Variants in BDP1 observed in about 807,000 individuals in gnomAD.
The protein encoded by BDP1 is transcription factor TFIIIB component B'' homolog.
BDP1 carries 169 observed loss-of-function variants against 266.6 expected under a neutral mutation model. The ratio of observed to expected loss-of-function variants is 0.63; its 90% CI spans 0.56 to 0.72. The LOEUF is 0.72. Among genes scored for constraint, BDP1 ranks in the 30% least tolerant of loss-of-function variants. The pLI is 0.00. For missense variants in BDP1, 3,015 were observed against 3,053.8 expected (o/e 0.99, Z 0.30); for synonymous variants, 1,090 against 1,022.4 (o/e 1.07, Z -1.26).
intron 2 of BDP1, 124 bp downstream of exon 2, chr5:71,458,979 T>C (rs928132856): frequency 1.9e-5 from 16 of 837,278 alleles, no homozygotes; most frequent in Non-Finnish European, 2.4e-5. Flanking sequence ...CCTTAGTCAA[T>C]AGAACATCCC....
At chr5:71,485,698 G>T (rs1458687969) in intron 8 of BDP1, among the ~76,000 whole-genome samples, 1 of 152,112 alleles carries the variant, frequency 6.6e-6, no homozygotes, top group African/African-American at 2.4e-5. Context: ...ATTACTTTCA[G>T]ATATAATGCT....
intron 7 of BDP1, among the ~76,000 whole-genome samples, chr5:71,478,280 A>T (rs1172731536): frequency 6.6e-6 from 1 of 152,090 alleles, no homozygotes; most frequent in Non-Finnish European, 1.5e-5. Context: ...GCAAACAAAA[A>T]AACAGCTCTC....
chr5:71,546,627 A>C (rs1203968522), intron 32 of BDP1, among the ~76,000 whole-genome samples: 1 of 150,472 alleles, frequency 6.6e-6, no homozygotes, highest in Admixed American at 6.6e-5. Context: ...CAAAAAAAAA[A>C]AAAAAAAAAA....
intron 31 of BDP1, 52 bp from the exon 32 acceptor site, chr5:71,544,987 A>T: frequency 3.2e-6 from 5 of 1,569,386 alleles, no homozygotes; most frequent in African/African-American, 1.4e-5. Flanking sequence ...TCTAAAAATA[A>T]TTCCATGATT....
intron 35 of BDP1, 97 bp downstream of exon 35, chr5:71,553,417 CT>C: frequency 1.3e-6 from 1 of 756,050 alleles, no homozygotes; most frequent in Non-Finnish European, 2.1e-6. Context: ...TCTCTTTAAA[CT>C]TTTAGATATA....
At chr5:71,563,020 A>G (rs1743788093) in intron 38 of BDP1, 1 of 496,116 alleles carries the variant, frequency 2.0e-6, no homozygotes, top group African/African-American at 2.0e-5. Flanking sequence ...AGCCTTTGGA[A>G]GGGGTACTTT....
intron 19 of BDP1, among the ~76,000 whole-genome samples, chr5:71,514,672 GAT>G (rs1561736460): frequency 6.6e-6 from 1 of 152,082 alleles, no homozygotes; most frequent in East Asian, 1.9e-4. Context: ...ATCCCCTAAT[GAT>G]ATATCTGTTT....
chr5:71,560,216 C>G lies in BDP1; in HGVS notation c.7475C>G (p.Ser2492Cys). 1 of 1,614,028 alleles carries G rather than the reference C, an allele frequency of 6.2e-7. No homozygotes were observed. The highest frequency in any genetic ancestry group is 1.1e-5 in the South Asian group (1 of 91,048). The part of the protein sequence containing the change: ...KSQQMDSRTS[S>C]SKASLSRPGR... ...CAGCAAATGGATAGCAGAACATCGT[C>G]TTCTAAAGCCTCACTATCCAGGTAT... The change falls in exon 37 of 39, where the codon TCT becomes TGT. Residue 2492 changes from serine to cysteine, a missense_variant. Ser to Cys is a moderately radical substitution (Grantham distance 112). Around this residue, in one of 3 missense-constraint regions of BDP1, gnomAD observed 629 missense variants for 632.5 expected, o/e 0.99. Transcript: ENST00000358731.
intron 10 of BDP1, among the ~76,000 whole-genome samples, 176 bp downstream of exon 10, chr5:71,489,858 AAAATTAAAC>A (rs2150409601): frequency 6.6e-6 from 1 of 152,340 alleles, no homozygotes; most frequent in African/African-American, 2.4e-5. Flanking sequence ...TTTATGTAAA[AAAATTAAAC>A]AAATTAAAGT....
intron 6 of BDP1, among the ~76,000 whole-genome samples, chr5:71,468,850 G>T (rs1762068930): frequency 6.6e-6 from 1 of 151,480 alleles, no homozygotes; most frequent in Non-Finnish European, 1.5e-5. Flanking sequence ...CAGGTGATCC[G>T]CCTGCCTCAG....
chr5:71,546,801 T>C (rs1280734550), intron 32 of BDP1, among the ~76,000 whole-genome samples: 2 of 151,928 alleles, frequency 1.3e-5, no homozygotes, highest in Admixed American at 6.6e-5. Flanking sequence ...ATATGTAATA[T>C]ACAGTTTCAT....
At chr5:71,520,065 A>T (rs1458319463) in intron 22 of BDP1, among the ~76,000 whole-genome samples, 1 of 152,194 alleles carries the variant, frequency 6.6e-6, no homozygotes, top group African/African-American at 2.4e-5. Flanking sequence ...ATGATTAATG[A>T]TGTTGAACAT....
chr5:71,458,059 C>G (rs1251823060), intron 1 of BDP1, among the ~76,000 whole-genome samples: 1 of 152,092 alleles, frequency 6.6e-6, no homozygotes, highest in Non-Finnish European at 1.5e-5. Flanking sequence ...GCTACTGTAA[C>G]TAAATGTTTT....
At chr5:71,513,502 A>G (rs907826102) in intron 19 of BDP1, 95 bp downstream of exon 19, 10 of 757,778 alleles carry the variant, frequency 1.3e-5, no homozygotes, top group African/African-American at 1.2e-4. Context: ...AAATTCTACA[A>G]ATATTTCTGT....
In BDP1 at chr5:71,524,103, G is replaced by T. The variant is rs1471663734; in HGVS notation, c.5552G>T (p.Gly1851Val). 4 of 1,614,210 alleles carry T rather than the reference G, an allele frequency of 2.5e-6. No homozygotes were observed. Among genetic ancestry groups the T allele is most frequent in the South Asian group, 2.2e-5 (2 of 91,086 alleles). ...TRGRGSKRVRGKTSKKEPRAS... is the reference protein window; with the variant it reads ...TRGRGSKRVRVKTSKKEPRAS... ...GGTCGTGGATCAAAACGAGTTCGGG[G>T]TAAGACCTCTAAGAAGGAACCTAGA... is the stretch of plus-strand genomic sequence containing the variant. The change falls in exon 25 of 39, where the codon GGT (glycine) becomes GTT (valine). Residue 1851 changes from glycine to valine, a missense_variant. Physicochemically the swap from Gly to Val is moderately radical, Grantham distance 109. Around this residue, in one of 3 missense-constraint regions of BDP1, gnomAD observed 2,383 missense variants for 2,404.9 expected, o/e 0.99. Transcript: ENST00000358731.
In BDP1 at chr5:71,531,147, T is replaced by C. The variant is rs1367342119; in HGVS notation, c.5773-1161T>C. Among the ~76,000 whole-genome samples, 6 of 152,140 alleles carry C rather than the reference T, an allele frequency of 3.9e-5. No individual in the cohort carries two copies. The East Asian group carries it at 1.2e-3, about 29-fold the overall frequency. ...TTTACTCACAGTTTCTACTCAGCCA[T>C]ACAACGTTTTATACTGTTTTTTTCT... On this transcript the variant is annotated intron_variant, in intron 25 of 38. Transcript: ENST00000358731.
In BDP1 at chr5:71,512,361, G is replaced by A. The variant is rs1223204935; in HGVS notation, c.4180G>A (p.Asp1394Asn). 3.1e-6 allele frequency: 5 copies of A among 1,595,946 alleles called. No individual in the cohort carries two copies. The highest frequency in any genetic ancestry group is 1.7e-4 in the Middle Eastern group (1 of 5,928). The change falls in exon 18 of 39, where the codon GAT becomes AAT. Residue 1394 changes from aspartate (D) to asparagine (N), a missense_variant. Physicochemically the swap from Asp to Asn is conservative, Grantham distance 23. This residue lies in a region of BDP1 where 2,383 missense variants were observed against 2,404.9 expected (regional missense o/e 0.99). Coordinates refer to ENST00000358731, the MANE Select transcript of BDP1 (RefSeq NM_018429.3). ...GATTTCTTCACAGACTCATGAATCTGATAAAACAGAAGTCCAGGGGATTCA... is the reference window on the plus strand; with the variant it reads ...GATTTCTTCACAGACTCATGAATCTAATAAAACAGAAGTCCAGGGGATTCA... ...FKISSQTHES[D>N]KTEVQGIQSP...
In BDP1 at chr5:71,501,947, G is replaced by A. The variant is rs544252678; in HGVS notation, c.2048+294G>A. Among the ~76,000 whole-genome samples the A allele has an allele frequency of 6.7e-4, 102 of 152,154 alleles. 1 individual carries two copies. Among genetic ancestry groups the A allele is most frequent in the South Asian group, 3.1e-3 (15 of 4,822 alleles). ...GATTTTAAAAGGGAATATTTAACTT[G>A]AAATAGAAATCTAAAATAGAATGTG... On this transcript the variant is annotated intron_variant, in intron 14 of 38. Coordinates refer to ENST00000358731, the MANE Select transcript of BDP1 (RefSeq NM_018429.3).
intron 27 of BDP1, among the ~76,000 whole-genome samples, 184 bp from the exon 28 acceptor site, chr5:71,539,373 C>T (rs959822690): frequency 1.3e-5 from 2 of 152,092 alleles, no homozygotes; most frequent in African/African-American, 2.4e-5. Flanking sequence ...TCAAAACCAA[C>T]AGTGATGATT....
Sources: allele counts gnomAD v4.1 joint callset (sites outside exome capture counted in the v4.1 genomes callset), GRCh38; gene constraint gnomAD v4.1.1; regional missense constraint gnomAD v4.1.1; transcripts MANE v1.5; gene names NCBI Gene and HGNC (gene_info 2026-07-23, HGNC 2026-07-21).